NAT10: variants seen among roughly 807,000 people sequenced by gnomAD.
NAT10 encodes RNA cytidine acetyltransferase.
Under a neutral mutation model 132.2 loss-of-function variants are expected in NAT10, and 109 were observed. The observed-to-expected ratio is 0.82, with a 90% CI of 0.71 to 0.97. NAT10 has a LOEUF of 0.97. NAT10 is among the 50% of genes least tolerant of loss of function. The pLI is 0.00. For synonymous variants in NAT10, 479 were observed against 478.0 expected (o/e 1.00, Z -0.03); for missense variants, 1,184 against 1,263.4 (o/e 0.94, Z 0.95).
At chr11:34,119,594 A>C (rs79242087) in intron 8 of NAT10, among the ~76,000 whole-genome samples, 2,889 of 152,350 alleles carry the variant, frequency 0.019, 53 homozygotes, top group African/African-American at 0.059. Flanking sequence ...ACCAAAAAAA[A>C]CCAAAAAGTT....
Position 34,130,966 on chromosome 11 carries a change from G to A in NAT10, c.1369+29G>A, listed in dbSNP as rs377464627. 1.6e-5 allele frequency: 25 copies of A among 1,612,286 alleles called. No individual in the cohort carries two copies. The African/African-American group carries it at 1.7e-4, about 11-fold the overall frequency. On this transcript the variant is annotated intron_variant, in intron 13 of 28. Transcript: ENST00000257829. ...CCCCAGAACCTGACCCGGGTCCCGCGGTTCACAGCAAGGCCCTTCAGTCTT... is the reference window on the plus strand; with the variant it reads ...CCCCAGAACCTGACCCGGGTCCCGCAGTTCACAGCAAGGCCCTTCAGTCTT...
At chr11:34,138,430 G>A (rs1852257329) in intron 21 of NAT10, among the ~76,000 whole-genome samples, 2 of 152,212 alleles carry the variant, frequency 1.3e-5, no homozygotes, top group Admixed American at 6.5e-5. Flanking sequence ...AGTGTCCAGT[G>A]TCCGTCCGAG....
At position 34,134,551 on chromosome 11, in the gene NAT10, G is replaced by A; in HGVS notation, c.1876G>A (p.Val626Ile). Residue 626 changes from valine to isoleucine, a missense_variant, in exon 18 of 29, where the codon GTC becomes ATC. Val to Ile is a conservative substitution (Grantham distance 29, BLOSUM62 3). Transcript: ENST00000257829. ...PDFGGLSGGRVVRIAVHPDYQ... is the reference protein window; with the variant it reads ...PDFGGLSGGRIVRIAVHPDYQ... Reference sequence around the variant, plus strand: ...CTTTGGTGGTCTGTCTGGTGGAAGGGTCGTTCGCATTGCTGTTCACCCAGA... The same window carrying A: ...CTTTGGTGGTCTGTCTGGTGGAAGGATCGTTCGCATTGCTGTTCACCCAGA... 1 of 1,614,184 alleles carries A rather than the reference G, an allele frequency of 6.2e-7. No individual in the cohort carries two copies. The highest frequency in any genetic ancestry group is 8.5e-7 in the Non-Finnish European group (1 of 1,180,034).
At chr11:34,120,639 C>T (rs1590766307) in intron 8 of NAT10, among the ~76,000 whole-genome samples, 2 of 152,314 alleles carry the variant, frequency 1.3e-5, no homozygotes, top group African/African-American at 4.8e-5. Flanking sequence ...TCTAGGCGCT[C>T]CTGTAGGCAC....
At chr11:34,115,087 C>G (rs1020162538) in intron 5 of NAT10, among the ~76,000 whole-genome samples, 3 of 152,122 alleles carry the variant, frequency 2.0e-5, no homozygotes, top group Non-Finnish European at 4.4e-5. Context: ...ACTCAGGAGG[C>G]GGAGGTTGCG....
At chr11:34,140,328 C>T in intron 23 of NAT10, 72 bp from the exon 24 acceptor site, 4 of 1,447,498 alleles carry the variant, frequency 2.8e-6, no homozygotes, top group Non-Finnish European at 2.9e-6. Context: ...TAGGGTGCCG[C>T]CTGGGGGCTG....
intron 8 of NAT10, among the ~76,000 whole-genome samples, chr11:34,121,666 C>T (rs1851896209): frequency 6.6e-6 from 1 of 150,972 alleles, no homozygotes; most frequent in African/African-American, 2.4e-5. Context: ...TTGAGATCAT[C>T]CTGGCCAACA....
At position 34,124,365 on chromosome 11, in the gene NAT10, G is replaced by A. The variant is rs765937549; in HGVS notation, c.1072G>A (p.Val358Met). The stretch of plus-strand genomic sequence containing the variant: ...TGAATTTAACAAAGCAGTGATCAGA[G>A]TGAATGTATTTCGAGAACACAGGCA... ...NPEFNKAVIR[V>M]NVFREHRQTI... Residue 358 changes from valine (V) to methionine (M), a missense_variant, in exon 11 of 29, where the codon GTG (valine) becomes ATG (methionine). By Grantham distance (21) the Val-to-Met change is conservative. Transcript: ENST00000257829. 5 of 1,614,042 alleles carry A rather than the reference G, an allele frequency of 3.1e-6. No individual in the cohort carries two copies. The South Asian group carries it at 4.4e-5, about 14-fold the overall frequency.
chr11:34,135,182 A>G lies in NAT10; in HGVS notation c.1919A>G (p.Tyr640Cys), dbSNP rs888836034. Residue 640 changes from tyrosine (Y) to cysteine (C), a missense_variant, in exon 19 of 29, where the codon TAT becomes TGT. Transcript: ENST00000257829. ...CTTCACGTTTGCTCCTAGATGGGCT[A>G]TGGCAGCCGTGCTCTGCAGCTGCTG... ...AVHPDYQGMG[Y>C]GSRALQLLQM... The G allele has an allele frequency of 1.9e-6, 3 of 1,613,830 alleles. No individual in the cohort carries two copies. The highest frequency in any genetic ancestry group is 1.7e-5 in the Admixed American group (1 of 60,020).
intron 25 of NAT10, 123 bp from the exon 26 acceptor site, chr11:34,141,596 A>T: frequency 1.2e-6 from 1 of 811,378 alleles, no homozygotes; most frequent in Non-Finnish European, 2.0e-6. Flanking sequence ...CCTAAACTGT[A>T]GAGTGTTGCT....
At chr11:34,130,422 A>G (rs536906637) in intron 12 of NAT10, among the ~76,000 whole-genome samples, 175 of 152,338 alleles carry the variant, frequency 1.1e-3, no homozygotes, top group African/African-American at 4.0e-3. Flanking sequence ...TTCCAGCTTC[A>G]CTAAAACTGC....
chr11:34,134,273 T>C, intron 16 of NAT10, 46 bp from the exon 17 acceptor site: 3 of 1,501,558 alleles, frequency 2.0e-6, no homozygotes, highest in Non-Finnish European at 2.8e-6. Context: ...GTGGGCTCTG[T>C]ATCAGAGTTG....
At chr11:34,107,345 T>C (rs1340067901) in intron 1 of NAT10, 1 of 152,192 alleles carries the variant, frequency 6.6e-6, no homozygotes, top group Non-Finnish European at 1.5e-5. Flanking sequence ...GGCTTCAATA[T>C]CGTTTTCCCT....
intron 21 of NAT10, 132 bp downstream of exon 21, chr11:34,137,158 T>G (rs1852232338): frequency 4.4e-6 from 4 of 915,974 alleles, no homozygotes; most frequent in Non-Finnish European, 7.0e-6. Flanking sequence ...CTGAAGAGGT[T>G]TATTCTGATG....
At chr11:34,130,572 A>G (rs1418629856) in intron 12 of NAT10, among the ~76,000 whole-genome samples, 1 of 152,196 alleles carries the variant, frequency 6.6e-6, no homozygotes, top group Non-Finnish European at 1.5e-5. Context: ...CCTTGCCCAA[A>G]GATACTAAGT....
At position 34,108,202 on chromosome 11, in the gene NAT10, C is replaced by G; in HGVS notation, c.-15-9C>G. 1.3e-6 allele frequency: 2 copies of G among 1,588,296 alleles called. No homozygotes were observed. Among genetic ancestry groups the G allele is most frequent in the Non-Finnish European group, 1.7e-6 (2 of 1,156,652 alleles). On this transcript the variant is annotated splice_polypyrimidine_tract_variant and intron_variant, in intron 1 of 28. Coordinates refer to ENST00000257829, the MANE Select transcript of NAT10 (RefSeq NM_024662.3). ...TGCGCATGGCCAGTTGTATTTCTTT[C>G]TCTTTTAGTAATAATTTTTCACCAT... is the stretch of plus-strand genomic sequence containing the variant.
rs375610235 is a variant in NAT10, at chr11:34,115,903, C to G, written c.557+19C>G. ...ATGAAAGGTAATTCTATAGTTCCCC[C>G]CAATTGTGGGGCAGCCACATTGGGA... On this transcript the variant is annotated intron_variant, in intron 6 of 28. Coordinates refer to ENST00000257829, the MANE Select transcript of NAT10 (RefSeq NM_024662.3). The G allele has an allele frequency of 1.2e-5, 20 of 1,612,430 alleles. No individual in the cohort carries two copies. Among genetic ancestry groups the G allele is most frequent in the Middle Eastern group, 1.6e-4 (1 of 6,084 alleles).
chr11:34,127,585 A>G lies in NAT10; in HGVS notation c.1230A>G (p.Ala410=). The part of the protein sequence containing the change: ...SLLGPYLVFM[A]STINGYEGTG... ...TTGGCCCCTACCTTGTTTTCATGGCATCCACCATCAATGGGTAAGGTACTG... is the reference window on the plus strand; with the variant it reads ...TTGGCCCCTACCTTGTTTTCATGGCGTCCACCATCAATGGGTAAGGTACTG... Residue 410 remains alanine (A), a synonymous_variant, in exon 12 of 29, where the codon GCA becomes GCG. Coordinates refer to ENST00000257829, the MANE Select transcript of NAT10 (RefSeq NM_024662.3). 1.2e-6 allele frequency: 2 copies of G among 1,613,048 alleles called. No homozygotes were observed. The highest frequency in any genetic ancestry group is 1.7e-5 in the Admixed American group (1 of 59,976).
intron 13 of NAT10, 35 bp from the exon 14 acceptor site, chr11:34,131,346 G>C (rs758644207): frequency 6.3e-7 from 1 of 1,576,162 alleles, no homozygotes; most frequent in Admixed American, 1.8e-5. Flanking sequence ...TTTAATCATT[G>C]TTTCTTCTTT....
Sources: gnomAD v4.1 joint callset for allele counts (sites outside exome capture counted in the v4.1 genomes callset) on GRCh38, gnomAD v4.1.1 for gene constraint, MANE v1.5 for transcripts, NCBI Gene and HGNC (gene_info 2026-07-23, HGNC 2026-07-21) for gene names.